MTAP: variants seen among roughly 807,000 people sequenced by gnomAD.
The protein encoded by MTAP is methylthioadenosine phosphorylase.
Under a neutral mutation model 33.6 loss-of-function variants are expected in MTAP, and 33 were observed. The observed-to-expected ratio is 0.98, with a 90% CI of 0.74 to 1.31. The LOEUF (loss-of-function observed/expected upper bound fraction) is 1.31, where lower values mean the gene tolerates loss of function less well. Ranked by LOEUF, MTAP falls within the 40% of genes most tolerant of loss-of-function variation. The pLI is 0.00. For synonymous variants in MTAP, 148 were observed against 125.7 expected (o/e 1.18, Z -1.19); for missense variants, 367 against 360.0 (o/e 1.02, Z -0.16).
chr9:21,937,418 C>A (rs1043493351), exon 8 of MTAP: 3 of 151,972 alleles, frequency 2.0e-5, no homozygotes, highest in Non-Finnish European at 2.9e-5. Context: ...TGACAGTTTT[C>A]TTTTTAAAGA....
intron 1 of MTAP, among the ~76,000 whole-genome samples, chr9:21,920,230 G>A (rs563512528): frequency 6.8e-4 from 103 of 152,186 alleles, no homozygotes; most frequent in African/African-American, 2.3e-3. Context: ...ATAGCAATGA[G>A]GATCAAGAAA....
chr9:21,840,198 C>T (rs1825208914), intron 5 of MTAP, among the ~76,000 whole-genome samples: 1 of 151,704 alleles, frequency 6.6e-6, no homozygotes, highest in South Asian at 2.1e-4. Flanking sequence ...TGCACTCCAG[C>T]CTGGGTGACA....
chr9:21,937,237 G>A (rs1035330981), exon 8 of MTAP: 1 of 152,182 alleles, frequency 6.6e-6, no homozygotes, highest in Non-Finnish European at 1.5e-5. Context: ...TACTAGGGAG[G>A]CTGAGGCAGG....
chr9:21,930,790 TA>T, intron 1 of MTAP: 2 of 715,872 alleles, frequency 2.8e-6, no homozygotes, highest in Non-Finnish European at 2.4e-6. Context: ...AATCAATCAG[TA>T]AAAGTACAAA....
At chr9:21,806,945 C>T (rs927108948) in intron 1 of MTAP, among the ~76,000 whole-genome samples, 8 of 152,132 alleles carry the variant, frequency 5.3e-5, no homozygotes, top group African/African-American at 1.9e-4. Flanking sequence ...GGGCAGATTA[C>T]CTGAGCTCAG....
At chr9:21,919,511 C>T (rs1818751559) in intron 1 of MTAP, among the ~76,000 whole-genome samples, 1 of 152,050 alleles carries the variant, frequency 6.6e-6, no homozygotes, top group Non-Finnish European at 1.5e-5. Context: ...CTTTTGGATC[C>T]CTGGGTTCAG....
chr9:21,841,832 A>G (rs914813914), intron 5 of MTAP, among the ~76,000 whole-genome samples: 4 of 152,196 alleles, frequency 2.6e-5, no homozygotes, highest in Admixed American at 2.6e-4. Flanking sequence ...ATGACAAGGA[A>G]CCAGAAAAGC....
intron 1 of MTAP, among the ~76,000 whole-genome samples, chr9:21,912,915 G>A (rs1357947477): frequency 6.6e-6 from 1 of 152,194 alleles, no homozygotes; most frequent in Admixed American, 6.5e-5. Flanking sequence ...TCGTTAAGCT[G>A]ATAAGCAACT....
At chr9:21,914,951 C>G (rs886230720) in intron 1 of MTAP, among the ~76,000 whole-genome samples, 12 of 151,280 alleles carry the variant, frequency 7.9e-5, no homozygotes, top group African/African-American at 2.9e-4. Flanking sequence ...TCTGACATAA[C>G]GTTCTCAAGG....
downstream of MTAP, among the ~76,000 whole-genome samples, chr9:21,868,148 A>G (rs1174258607): frequency 6.6e-6 from 1 of 152,218 alleles, no homozygotes; most frequent in Non-Finnish European, 1.5e-5. Flanking sequence ...ATACCTTTCT[A>G]TAGTGGTTGA....
chr9:21,866,721 TTATA>T lies in MTAP; in HGVS notation c.*4708_*4711del, dbSNP rs1825859268. ...ATTGTTTTGGCTATAGGTCCTTTCT[TTATA>T]AAGTTTATATTAAGCTTCTCCATTT... is the stretch of plus-strand genomic sequence containing the variant. On this transcript the variant is annotated 3_prime_UTR_variant, in exon 8 of 8. Transcript: ENST00000644715. 1 of 152,150 alleles carries T rather than the reference TTATA, an allele frequency of 6.6e-6. No homozygotes were observed. The highest frequency in any genetic ancestry group is 2.1e-4 in the South Asian group (1 of 4,828). 9.4% of individuals were successfully genotyped at this position (152,150 alleles called of 1,614,324 possible).
In MTAP at chr9:21,838,026, G is replaced by A. The variant is rs781036199; in HGVS notation, c.450+16G>A. The A allele has an allele frequency of 4.4e-6, 7 of 1,605,168 alleles. No homozygotes were observed. The highest frequency in any genetic ancestry group is 6.0e-6 in the Non-Finnish European group (7 of 1,172,068). On this transcript the variant is annotated intron_variant, in intron 5 of 7. Coordinates refer to ENST00000644715, the MANE Select transcript of MTAP (RefSeq NM_002451.4). ...AACGAGAGAGGTGTGTAGTCTTTCT[G>A]GAAGGTGTACCAGAATAAATCATGT... is the stretch of plus-strand genomic sequence containing the variant.
chr9:21,941,058 ACT>A (rs1819130144), downstream of MTAP: 1 of 899,324 alleles, frequency 1.1e-6, no homozygotes, highest in African/African-American at 1.8e-5. Flanking sequence ...TGATTTTCAA[ACT>A]CTGCATGTAT....
intron 1 of MTAP, chr9:21,893,603 C>T (rs1437866179): frequency 6.6e-6 from 1 of 152,050 alleles, no homozygotes; most frequent in Non-Finnish European, 1.5e-5. Context: ...AAAAAACCCT[C>T]AAAGACTAAA....
chr9:21,874,526 A>G (rs374203457), intron 1 of MTAP, among the ~76,000 whole-genome samples: 151 of 152,200 alleles, frequency 9.9e-4, no homozygotes, highest in African/African-American at 3.5e-3. Context: ...AAGTTGCTGT[A>G]TGTTCATGGA....
chr9:21,802,932 C>G (rs1284607691), intron 1 of MTAP, 151 bp downstream of exon 1: 1 of 1,428,680 alleles, frequency 7.0e-7, no homozygotes, highest in Non-Finnish European at 9.1e-7. Flanking sequence ...TCGGGACTCA[C>G]TTGCCGCGCG....
chr9:21,907,673 G>GT (rs58820590), intron 1 of MTAP, among the ~76,000 whole-genome samples: 31,638 of 148,748 alleles, frequency 0.21, 3,406 homozygotes, highest in East Asian at 0.36. Flanking sequence ...CTGTGTGGGT[G>GT]TTTTTTTTTT....
At chr9:21,892,393 C>T (rs935526193) in intron 1 of MTAP, 1 of 152,096 alleles carries the variant, frequency 6.6e-6, no homozygotes, top group Non-Finnish European at 1.5e-5. Context: ...TATGCAGTGA[C>T]ACCCATAGGC....
chr9:21,844,417 A>G (rs1825326027), intron 5 of MTAP, among the ~76,000 whole-genome samples: 1 of 152,148 alleles, frequency 6.6e-6, no homozygotes, highest in African/African-American at 2.4e-5. Context: ...TCAGAAAAGA[A>G]CATAATAAAA....
Sources: allele counts gnomAD v4.1 joint callset (sites outside exome capture counted in the v4.1 genomes callset), GRCh38; gene constraint gnomAD v4.1.1; transcripts MANE v1.5; gene names NCBI Gene and HGNC (gene_info 2026-07-23, HGNC 2026-07-21).